The following FOXP2 variants were observed in gnomAD, a reference collection of about 807,000 sequenced individuals.
FOXP2 encodes the protein forkhead box P2.
FOXP2 carries 12 observed loss-of-function variants against 115.8 expected under a neutral mutation model. The ratio of observed to expected loss-of-function variants is 0.10; its 90% CI spans 0.07 to 0.17. The LOEUF (loss-of-function observed/expected upper bound fraction) is 0.17. Ranked by LOEUF, FOXP2 falls within the 10% of genes least tolerant of loss-of-function variation. The pLI is 1.00. For missense variants in FOXP2, 629 were observed against 843.5 expected (o/e 0.75, Z 3.15); for synonymous variants, 328 against 297.7 (o/e 1.10, Z -1.05).
At chr7:114,222,322 AT>A (rs1405879935) in intron 1 of FOXP2, among the ~76,000 whole-genome samples, 2 of 151,926 alleles carry the variant, frequency 1.3e-5, no homozygotes, top group African/African-American at 4.8e-5. Flanking sequence ...TGGCTGGCTA[AT>A]TTTTTAATTT....
chr7:114,246,316 A>G (rs779534132), intron 1 of FOXP2, among the ~76,000 whole-genome samples: 1 of 152,168 alleles, frequency 6.6e-6, no homozygotes, highest in Non-Finnish European at 1.5e-5. Context: ...TGAACCAAAC[A>G]AAATCATCAA....
intron 2 of FOXP2, among the ~76,000 whole-genome samples, chr7:114,334,171 A>C (rs1216470253): frequency 6.6e-6 from 1 of 152,206 alleles, no homozygotes; most frequent in Non-Finnish European, 1.5e-5. Context: ...TATACATTCA[A>C]TAGAAAAGAA....
chr7:114,524,369 C>G (rs1027225570), intron 2 of FOXP2, among the ~76,000 whole-genome samples: 3 of 152,130 alleles, frequency 2.0e-5, no homozygotes, highest in Non-Finnish European at 4.4e-5. Flanking sequence ...GCATAACTAG[C>G]AATGCTGTTA....
chr7:114,176,217 TTGTCTTGTCTTGTCTTTTC>T (rs911099953), intron 1 of FOXP2, among the ~76,000 whole-genome samples: 4 of 151,412 alleles, frequency 2.6e-5, no homozygotes, highest in African/African-American at 9.8e-5. Context: ...TTGTCTTGTC[TTGTCTTGTCTTGTCTTTTC>T]TTTCTTTCTT....
At chr7:114,303,215 G>A (rs944524647) in intron 2 of FOXP2, among the ~76,000 whole-genome samples, 4 of 152,124 alleles carry the variant, frequency 2.6e-5, no homozygotes, top group African/African-American at 7.2e-5. Flanking sequence ...CACAGATAAC[G>A]TGGAACTTGA....
rs184662283 is a variant in FOXP2 at position 114,311,433 on chromosome 7, A to C, written c.-11+23324A>C. Among the ~76,000 whole-genome samples the C allele has an allele frequency of 3.9e-5, 6 of 152,302 alleles. No homozygotes were observed. The East Asian group carries it at 1.2e-3, about 29-fold the overall frequency. ...TTGTGGATTGGTGAAAGTGGTATCC[A>C]GCCAGGTCCAAGAGAGACAGGGGCA... On this transcript the variant is annotated intron_variant, in intron 2 of 17. Coordinates refer to the FOXP2 transcript ENST00000634411.
At chr7:114,429,862 C>T (rs1053127322) in intron 2 of FOXP2, among the ~76,000 whole-genome samples, 2 of 151,534 alleles carry the variant, frequency 1.3e-5, no homozygotes, top group African/African-American at 4.8e-5. Context: ...TTGAGAATAG[C>T]GACATTTGTG....
At chr7:114,160,288 A>G (rs373578562), upstream of FOXP2, among the ~76,000 whole-genome samples, 3 of 152,124 alleles carry the variant, frequency 2.0e-5, no homozygotes, top group South Asian at 6.2e-4. Flanking sequence ...AAGATCAGAG[A>G]CAAACATTGC....
intron 2 of FOXP2, among the ~76,000 whole-genome samples, chr7:114,446,586 C>A (rs1167271732): frequency 6.6e-6 from 1 of 151,682 alleles, no homozygotes; most frequent in Admixed American, 6.6e-5. Flanking sequence ...TTTAAATATA[C>A]CAATATTATA....
At chr7:114,555,816 C>T (rs1432629533) in intron 3 of FOXP2, among the ~76,000 whole-genome samples, 1 of 151,892 alleles carries the variant, frequency 6.6e-6, no homozygotes, top group African/African-American at 2.4e-5. Context: ...AACAAAAAAA[C>T]AAACAAAAAG....
At chr7:114,347,194 A>G (rs1791367711) in intron 2 of FOXP2, among the ~76,000 whole-genome samples, 1 of 151,936 alleles carries the variant, frequency 6.6e-6, no homozygotes. Flanking sequence ...TGTGACCTAT[A>G]AACAGTTTAT....
intron 6 of FOXP2, among the ~76,000 whole-genome samples, chr7:114,640,995 C>A (rs1805494739): frequency 6.6e-6 from 1 of 152,030 alleles, no homozygotes; most frequent in Admixed American, 6.6e-5. Flanking sequence ...ATAGTAAATA[C>A]TCTCTTCATT....
At chr7:114,160,414 A>C (rs574262862), upstream of FOXP2, among the ~76,000 whole-genome samples, 1 of 152,272 alleles carries the variant, frequency 6.6e-6, no homozygotes, top group South Asian at 2.1e-4. Flanking sequence ...TTTAGTTGAC[A>C]ACATTTGTAA....
intron 1 of FOXP2, among the ~76,000 whole-genome samples, chr7:114,241,276 T>C (rs890005138): frequency 1.3e-5 from 2 of 152,106 alleles, no homozygotes; most frequent in Non-Finnish European, 2.9e-5. Flanking sequence ...TTCCTGTCTC[T>C]TTTTGTATGC....
chr7:114,195,608 A>C (rs1793882758), intron 1 of FOXP2, among the ~76,000 whole-genome samples: 1 of 152,158 alleles, frequency 6.6e-6, no homozygotes, highest in African/African-American at 2.4e-5. Flanking sequence ...TAACTGTAAC[A>C]GTTGTTTTTC....
chr7:114,270,974 T>C (rs1260557729), intron 1 of FOXP2, among the ~76,000 whole-genome samples: 1 of 152,098 alleles, frequency 6.6e-6, no homozygotes, highest in African/African-American at 2.4e-5. Flanking sequence ...ATTCATTTTT[T>C]TTTTGTATGT....
intron 1 of FOXP2, among the ~76,000 whole-genome samples, chr7:114,262,550 A>G (rs576872284): frequency 1.3e-5 from 2 of 152,330 alleles, no homozygotes; most frequent in Non-Finnish European, 2.9e-5. Context: ...TTAAAAAAAG[A>G]AATGTTCACA....
intron 1 of FOXP2, among the ~76,000 whole-genome samples, chr7:114,120,357 A>T (rs977133253): frequency 6.6e-6 from 1 of 152,136 alleles, no homozygotes; most frequent in Non-Finnish European, 1.5e-5. Context: ...AAATCCAGTA[A>T]ATTTCTGGAT....
chr7:114,679,157 G>C (rs1018405784), intron 16 of FOXP2, among the ~76,000 whole-genome samples: 1 of 151,992 alleles, frequency 6.6e-6, no homozygotes, highest in Non-Finnish European at 1.5e-5. Context: ...CAGAGATGGG[G>C]TTTCACCATG....
Sources: allele counts gnomAD v4.1 joint callset (sites outside exome capture counted in the v4.1 genomes callset), GRCh38; gene constraint gnomAD v4.1.1; transcripts MANE v1.5; gene names NCBI Gene and HGNC (gene_info 2026-07-23, HGNC 2026-07-21).